The following RBMS3 variants were observed in gnomAD, a reference collection of about 807,000 sequenced individuals.
RBMS3 encodes the protein RNA binding motif single stranded interacting protein 3.
RBMS3 carries 27 observed loss-of-function variants against 66.8 expected under a neutral mutation model. That is an observed-to-expected ratio of 0.40 (90% confidence interval 0.30 to 0.56). RBMS3 has a LOEUF of 0.56. Among genes scored for constraint, RBMS3 ranks in the 20% least tolerant of loss-of-function variants. RBMS3 has a pLI of 0.40. For synonymous variants in RBMS3, 188 were observed against 183.0 expected, an observed-to-expected ratio of 1.03 and a Z score of -0.22; for missense variants, 513 against 549.5, an observed-to-expected ratio of 0.93 and a Z score of 0.66.
chr3:29,623,672 T>C (rs2048958361), intron 4 of RBMS3, among the ~76,000 whole-genome samples: 1 of 151,870 alleles, frequency 6.6e-6, no homozygotes, highest in Admixed American at 6.6e-5. Flanking sequence ...ACACAAACAA[T>C]TCATTTTTAA....
At chr3:29,443,188 C>A (rs2041690844) in intron 2 of RBMS3, among the ~76,000 whole-genome samples, 2 of 152,006 alleles carry the variant, frequency 1.3e-5, no homozygotes, top group Non-Finnish European at 2.9e-5. Context: ...AATAAAAAAT[C>A]TTGGGGTAAC....
At chr3:29,987,976 C>T (rs1419376613) in intron 12 of RBMS3, 167 bp from the exon 13 acceptor site, 2 of 563,780 alleles carry the variant, frequency 3.5e-6, no homozygotes, top group Admixed American at 3.1e-5. Flanking sequence ...CAAGCAAAGG[C>T]CTTTCAATAC....
chr3:29,801,776 A>C (rs1047479730), intron 6 of RBMS3, among the ~76,000 whole-genome samples: 8 of 152,178 alleles, frequency 5.3e-5, no homozygotes, highest in African/African-American at 1.9e-4. Flanking sequence ...TGTCTTACAA[A>C]GCATAAGTGG....
At position 29,968,214 on chromosome 3, in the gene RBMS3, T is replaced by A. The variant is rs148748636; in HGVS notation, c.1099-19929T>A. 4.9e-3 allele frequency among the ~76,000 whole-genome samples: 747 copies of A among 152,168 alleles called. 3 individuals carry two copies. Among genetic ancestry groups the A allele is most frequent in the Non-Finnish European group, 8.6e-3 (588 of 67,996 alleles). ...CCCACCCGGCCTGCCCCCGTAACAG[T>A]CTGTTTCCAGGTGGAGGGCGAGACA... is the stretch of plus-strand genomic sequence containing the variant. On this transcript the variant is annotated intron_variant, in intron 12 of 14. Coordinates refer to ENST00000383767, the MANE Select transcript of RBMS3 (RefSeq NM_001003793.3).
chr3:29,464,398 A>T lies in RBMS3; in HGVS notation c.249-24043A>T, dbSNP rs537082827. Among the ~76,000 whole-genome samples, 16 of 152,282 alleles carry T rather than the reference A, an allele frequency of 1.1e-4. 1 individual carries two copies. The South Asian group carries it at 3.3e-3, about 32-fold the overall frequency. On this transcript the variant is annotated intron_variant, in intron 2 of 14. Coordinates refer to ENST00000383767, the MANE Select transcript of RBMS3 (RefSeq NM_001003793.3). ...GCTTAATACAGCAGAGGATAGACTG[A>T]GGCTCACTCTCCTTCTTTTTTCCCT... is the stretch of plus-strand genomic sequence containing the variant.
At chr3:29,590,953 G>A (rs1183700215) in intron 4 of RBMS3, among the ~76,000 whole-genome samples, 2 of 152,042 alleles carry the variant, frequency 1.3e-5, no homozygotes, top group African/African-American at 2.4e-5. Context: ...AGAGAAAAAA[G>A]CAAATAGATG....
At chr3:29,493,061 C>T (rs34052454) in intron 3 of RBMS3, among the ~76,000 whole-genome samples, 61,943 of 151,810 alleles carry the variant, frequency 0.41, 12,991 homozygotes, top group Admixed American at 0.52. Flanking sequence ...TATGTATCTA[C>T]GTACAACTTT....
At chr3:29,546,968 T>C (rs2045976780) in intron 3 of RBMS3, among the ~76,000 whole-genome samples, 1 of 152,192 alleles carries the variant, frequency 6.6e-6, no homozygotes, top group African/African-American at 2.4e-5. Context: ...TTAAGTTTTA[T>C]CTTTTATATT....
At position 29,902,391 on chromosome 3, in the gene RBMS3, G is replaced by A. The variant is rs189408811; in HGVS notation, c.939+2636G>A. Reference sequence around the variant, plus strand: ...GTTATAAGCAGAAAGTTGAAAGTAAGCAACTTTGTTGAGAATCATCTATTT... The same window carrying A: ...GTTATAAGCAGAAAGTTGAAAGTAAACAACTTTGTTGAGAATCATCTATTT... On this transcript the variant is annotated intron_variant, in intron 10 of 14. Transcript: ENST00000383767. Among the ~76,000 whole-genome samples, 83 of 151,900 alleles carry A rather than the reference G, an allele frequency of 5.5e-4. 5 individuals are homozygous for A. In the East Asian group the frequency reaches 8.4e-3, roughly 15 times the overall value.
chr3:29,359,677 G>A (rs985434816), intron 1 of RBMS3, among the ~76,000 whole-genome samples: 2 of 152,066 alleles, frequency 1.3e-5, no homozygotes, highest in Admixed American at 1.3e-4. Flanking sequence ...ATCTGGTCCT[G>A]GACTTTTTTT....
chr3:29,991,317 T>C, intron 14 of RBMS3, 108 bp downstream of exon 14: 1 of 1,524,888 alleles, frequency 6.6e-7, no homozygotes. Flanking sequence ...ATCCCAAACT[T>C]AGCAACAGGC....
intron 4 of RBMS3, among the ~76,000 whole-genome samples, chr3:29,702,001 C>T (rs1386004101): frequency 3.3e-5 from 5 of 152,236 alleles, no homozygotes; most frequent in Admixed American, 1.3e-4. Context: ...CAGCTGGGTT[C>T]CTGAGTCCAG....
intron 1 of RBMS3, among the ~76,000 whole-genome samples, chr3:29,315,503 A>G (rs1423843047): frequency 6.6e-6 from 1 of 151,772 alleles, no homozygotes. Flanking sequence ...CATATATACA[A>G]AAATATAATT....
chr3:29,530,780 G>T (rs891784673), intron 3 of RBMS3, among the ~76,000 whole-genome samples: 43 of 151,784 alleles, frequency 2.8e-4, no homozygotes, highest in African/African-American at 1.0e-3. Context: ...GCTGAGGCAG[G>T]AGAATTGCCT....
At chr3:29,702,012 T>C (rs112381529) in intron 4 of RBMS3, among the ~76,000 whole-genome samples, 41 of 152,294 alleles carry the variant, frequency 2.7e-4, no homozygotes, top group Non-Finnish European at 5.9e-4. Context: ...CTGAGTCCAG[T>C]GGGGACTTGG....
At chr3:29,815,551 A>G (rs931321072) in intron 6 of RBMS3, among the ~76,000 whole-genome samples, 29 of 152,186 alleles carry the variant, frequency 1.9e-4, no homozygotes, top group African/African-American at 6.5e-4. Context: ...GGGGTTGTCA[A>G]CAAGTGGGTA....
intron 1 of RBMS3, among the ~76,000 whole-genome samples, chr3:29,297,279 T>C (rs966716123): frequency 3.3e-5 from 5 of 151,860 alleles, no homozygotes; most frequent in African/African-American, 1.2e-4. Context: ...GTTTCAGTGT[T>C]CGGTGAAGAA....
chr3:29,516,648 C>T (rs2044639983), intron 3 of RBMS3, among the ~76,000 whole-genome samples: 1 of 152,006 alleles, frequency 6.6e-6, no homozygotes, highest in Non-Finnish European at 1.5e-5. Flanking sequence ...TAATTCCTGG[C>T]CCCAAGCTAT....
chr3:29,646,289 T>A (rs2049917156), intron 4 of RBMS3, among the ~76,000 whole-genome samples: 1 of 152,196 alleles, frequency 6.6e-6, no homozygotes, highest in Non-Finnish European at 1.5e-5. Flanking sequence ...CTGATAAACT[T>A]ATCAAGGAGA....
Sources: gnomAD v4.1 joint callset for allele counts (sites outside exome capture counted in the v4.1 genomes callset) on GRCh38, gnomAD v4.1.1 for gene constraint, MANE v1.5 for transcripts, NCBI Gene and HGNC (gene_info 2026-07-23, HGNC 2026-07-21) for gene names.